XKR6: variants seen among roughly 807,000 people sequenced by gnomAD.
The protein encoded by XKR6 is XK-related protein 6.
XKR6 carries 22 observed loss-of-function variants against 56.7 expected under a neutral mutation model. That is an observed-to-expected ratio of 0.39 (90% confidence interval 0.28 to 0.55). The LOEUF is 0.55. Among genes scored for constraint, XKR6 ranks in the 20% least tolerant of loss-of-function variants. The pLI, the probability that XKR6 is intolerant of heterozygous loss-of-function variation, is 0.66. For missense variants in XKR6, 852 were observed against 889.0 expected (o/e 0.96, Z 0.53); for synonymous variants, 524 against 387.8 (o/e 1.35, Z -4.13).
chr8:10,942,779 G>A (rs1021593395), intron 1 of XKR6, among the ~76,000 whole-genome samples: 6 of 152,288 alleles, frequency 3.9e-5, no homozygotes, highest in Admixed American at 6.5e-5. Flanking sequence ...CCCTGTTCAC[G>A]CTACAACCCC....
rs1198218611 is a variant in XKR6, at chr8:11,001,965, TCA to T, written c.765-77137_765-77136del. ...CCACAGCACTTCCTTCCAGCAGACCTCAGTTTTCTAACCAGGCCAATGGGATT... is the reference window on the plus strand; with the variant it reads ...CCACAGCACTTCCTTCCAGCAGACCTGTTTTCTAACCAGGCCAATGGGATT... On this transcript the variant is annotated intron_variant, in intron 1 of 2. Transcript: ENST00000416569. Among the ~76,000 whole-genome samples the T allele has an allele frequency of 2.0e-5, 3 of 151,836 alleles. No homozygotes were observed. The East Asian group carries it at 5.8e-4, about 29-fold the overall frequency.
At chr8:10,911,199 C>CGTGTGCGT (rs1554508094) in intron 2 of XKR6, among the ~76,000 whole-genome samples, 1 of 126,286 alleles carries the variant, frequency 7.9e-6, no homozygotes, top group Non-Finnish European at 1.7e-5. Flanking sequence ...AGAGGGTGTG[C>CGTGTGCGT]GTGTGTGTGT....
intron 1 of XKR6, among the ~76,000 whole-genome samples, chr8:10,944,501 G>T (rs979588315): frequency 4.6e-5 from 7 of 152,102 alleles, no homozygotes; most frequent in African/African-American, 1.7e-4. Context: ...GCAGGGCAGG[G>T]TGCCCCACAC....
At chr8:11,106,075 A>G (rs1439273159) in intron 1 of XKR6, 1 of 152,228 alleles carries the variant, frequency 6.6e-6, no homozygotes, top group African/African-American at 2.4e-5. Flanking sequence ...CTACATACAT[A>G]AAGGAAAAAT....
chr8:11,200,552 G>A lies in XKR6; in HGVS notation c.764+24C>T. 7.0e-7 allele frequency: 1 copy of A among 1,433,790 alleles called. No individual in the cohort carries two copies. Among genetic ancestry groups the A allele is most frequent in the South Asian group, 1.5e-5 (1 of 65,622 alleles). 88.8% of individuals were successfully genotyped at this position (1,433,790 alleles called of 1,614,324 possible). ...GAGGGGGGCTCCTCAGGGCCGGCCCGCCCCCACCCCGCAGTGCTCTTACCT... is the reference window on the plus strand; with the variant it reads ...GAGGGGGGCTCCTCAGGGCCGGCCCACCCCCACCCCGCAGTGCTCTTACCT... On this transcript the variant is annotated intron_variant, in intron 1 of 2. Coordinates refer to ENST00000416569, the MANE Select transcript of XKR6 (RefSeq NM_173683.4). This position sits in a 1 kb window ranked among gnomAD's most constrained non-coding sequence, Gnocchi z 6.4.
chr8:11,026,809 C>A (rs907092066), intron 1 of XKR6, among the ~76,000 whole-genome samples: 8 of 151,758 alleles, frequency 5.3e-5, no homozygotes, highest in African/African-American at 1.9e-4. Context: ...GGCTACTACA[C>A]CCTTAGATGG....
At chr8:11,066,501 A>T (rs966395255) in intron 1 of XKR6, among the ~76,000 whole-genome samples, 5 of 152,162 alleles carry the variant, frequency 3.3e-5, no homozygotes, top group African/African-American at 1.2e-4. Context: ...ATGTGGCTTA[A>T]CCACTCTGAG....
chr8:11,184,102 G>A (rs867165773), intron 1 of XKR6, among the ~76,000 whole-genome samples: 1 of 152,068 alleles, frequency 6.6e-6, no homozygotes, highest in African/African-American at 2.4e-5. Flanking sequence ...CTCATACATA[G>A]TGTATATTTG....
chr8:11,014,274 G>T (rs1437492476), intron 1 of XKR6, among the ~76,000 whole-genome samples: 1 of 152,228 alleles, frequency 6.6e-6, no homozygotes, highest in African/African-American at 2.4e-5. Context: ...CCAAAGGAGT[G>T]TAGCGGCCCT....
intron 1 of XKR6, among the ~76,000 whole-genome samples, chr8:11,004,432 G>T (rs910833717): frequency 6.6e-6 from 1 of 152,076 alleles, no homozygotes; most frequent in Non-Finnish European, 1.5e-5. Context: ...AGATCATGAC[G>T]CCACTGCACT....
At position 10,992,153 on chromosome 8, in the gene XKR6, C is replaced by T. The variant is rs74434441; in HGVS notation, c.765-67323G>A. On this transcript the variant is annotated intron_variant, in intron 1 of 2. Coordinates refer to ENST00000416569, the MANE Select transcript of XKR6 (RefSeq NM_173683.4). ...TAGCAGCCTGATGATATCATCATCA[C>T]CCTGCCTGTTGCTGTTCAGCTGTCA... Among the ~76,000 whole-genome samples, 19 of 152,280 alleles carry T rather than the reference C, an allele frequency of 1.2e-4. No homozygotes were observed. In the East Asian group the frequency reaches 3.7e-3, roughly 29 times the overall value.
At chr8:11,062,206 C>T (rs1017993519) in intron 1 of XKR6, among the ~76,000 whole-genome samples, 25 of 151,948 alleles carry the variant, frequency 1.6e-4, no homozygotes, top group African/African-American at 4.1e-4. Context: ...CGTGCCCAGG[C>T]GCTGGGGGAA....
chr8:11,194,761 A>C, intron 1 of XKR6: 1 of 230,736 alleles, frequency 4.3e-6, no homozygotes, highest in Non-Finnish European at 8.5e-6. Context: ...GAATAAGTCT[A>C]TAGTATCAAA....
At chr8:10,999,664 T>C (rs1798194909) in intron 1 of XKR6, among the ~76,000 whole-genome samples, 1 of 152,230 alleles carries the variant, frequency 6.6e-6, no homozygotes, top group Non-Finnish European at 1.5e-5. Context: ...GTTCTGCAGA[T>C]GTGACCAAGC....
intron 1 of XKR6, among the ~76,000 whole-genome samples, chr8:11,125,072 GAGCA>G (rs1404091273): frequency 1.7e-4 from 24 of 142,406 alleles, no homozygotes; most frequent in African/African-American, 5.5e-4. Flanking sequence ...ATGGGCAACA[GAGCA>G]AGACTCTGTC....
intron 1 of XKR6, among the ~76,000 whole-genome samples, chr8:10,942,650 G>A (rs968802938): frequency 6.6e-6 from 1 of 152,242 alleles, no homozygotes; most frequent in African/African-American, 2.4e-5. Flanking sequence ...AGATCCAGGT[G>A]TTCCAAATTC....
chr8:11,086,285 T>C (rs961271359), intron 1 of XKR6, among the ~76,000 whole-genome samples: 4 of 152,184 alleles, frequency 2.6e-5, no homozygotes, highest in African/African-American at 7.2e-5. Context: ...CAGGCAAACA[T>C]AGAGCTTGTA....
chr8:11,125,753 C>G lies in XKR6; in HGVS notation c.764+74823G>C, dbSNP rs1799747086. ...CTCTCCAGGTTAAATATTTCCATTT[C>G]TGTCCACTGTTCTACATCTGTGCAT... On this transcript the variant is annotated intron_variant, in intron 1 of 2. Coordinates refer to ENST00000416569, the MANE Select transcript of XKR6 (RefSeq NM_173683.4). 3 of 152,382 alleles carry G rather than the reference C, an allele frequency of 2.0e-5. No homozygotes were observed. The South Asian group carries it at 6.2e-4, about 32-fold the overall frequency. The allele number at this position is 152,382 out of a possible 1,614,324, so 9.4% of individuals were successfully genotyped here.
At chr8:10,961,483 A>G (rs1563313888) in intron 1 of XKR6, among the ~76,000 whole-genome samples, 1 of 152,250 alleles carries the variant, frequency 6.6e-6, no homozygotes, top group African/African-American at 2.4e-5. Context: ...AATCACTGAA[A>G]GCCAGAACCC....
Sources: allele counts gnomAD v4.1 joint callset (sites outside exome capture counted in the v4.1 genomes callset), GRCh38; gene constraint gnomAD v4.1.1; non-coding constraint Gnocchi (gnomAD v3.1); transcripts MANE v1.5; gene names NCBI Gene and HGNC (gene_info 2026-07-23, HGNC 2026-07-21).